TMBIM6: variants seen among roughly 807,000 people sequenced by gnomAD.
TMBIM6 encodes transmembrane BAX inhibitor motif containing 6.
TMBIM6 carries 13 observed loss-of-function variants against 31.4 expected under a neutral mutation model. The ratio of observed to expected loss-of-function variants is 0.41; its 90% CI spans 0.27 to 0.66. The LOEUF is 0.66. Ranked by LOEUF, TMBIM6 falls within the 30% of genes least tolerant of loss-of-function variation. The probability of loss-of-function intolerance (pLI) is 0.28; values close to 1 mark genes in which losing one functional copy is unlikely to be tolerated. For synonymous variants in TMBIM6, 85 were observed against 101.7 expected (o/e 0.84, Z 0.99); for missense variants, 275 against 289.5 (o/e 0.95, Z 0.36).
chr12:49,752,060 G>A (rs1257762264), intron 1 of TMBIM6, among the ~76,000 whole-genome samples: 1 of 152,100 alleles, frequency 6.6e-6, no homozygotes, highest in Non-Finnish European at 1.5e-5. Flanking sequence ...GAGCCACTAT[G>A]CCCAGCCAAG....
At chr12:49,748,847 A>G (rs1440267578) in intron 1 of TMBIM6, among the ~76,000 whole-genome samples, 1 of 152,152 alleles carries the variant, frequency 6.6e-6, no homozygotes, top group Non-Finnish European at 1.5e-5. Context: ...CTTGTAATGT[A>G]CTTTTTTTCT....
At chr12:49,755,102 C>T (rs1377183629) in intron 3 of TMBIM6, among the ~76,000 whole-genome samples, 2 of 152,060 alleles carry the variant, frequency 1.3e-5, no homozygotes, top group East Asian at 3.9e-4. Context: ...GGATTACAGG[C>T]GTGTGCCACC....
intron 1 of TMBIM6, among the ~76,000 whole-genome samples, chr12:49,744,725 C>T (rs1200205917): frequency 6.6e-6 from 1 of 152,188 alleles, no homozygotes; most frequent in East Asian, 1.9e-4. Flanking sequence ...AACTGGAATC[C>T]AAAACACGTG....
At chr12:49,760,095 G>C (rs1013542693) in intron 8 of TMBIM6, among the ~76,000 whole-genome samples, 6 of 143,020 alleles carry the variant, frequency 4.2e-5, no homozygotes, top group African/African-American at 1.6e-4. Context: ...CTGGACGACA[G>C]AGCGAGACTC....
chr12:49,757,301 A>T (rs943724813), intron 4 of TMBIM6, among the ~76,000 whole-genome samples: 1 of 152,236 alleles, frequency 6.6e-6, no homozygotes, highest in African/African-American at 2.4e-5. Context: ...AATGAGGTTC[A>T]AGAGCTTAGG....
At position 49,745,725 on chromosome 12, in the gene TMBIM6, A is replaced by AAAAAAAAAAAAAAAAC. The variant is rs372273110; in HGVS notation, c.-31+4124_-31+4125insAAAAACAAAAAAAAAA. Among the ~76,000 whole-genome samples, 125 of 105,474 alleles carry AAAAAAAAAAAAAAAAC rather than the reference A, an allele frequency of 1.2e-3. 3 individuals are homozygous for AAAAAAAAAAAAAAAAC. Among genetic ancestry groups the AAAAAAAAAAAAAAAAC allele is most frequent in the African/African-American group, 6.9e-3 (112 of 16,190 alleles). 69.2% of individuals were successfully genotyped at this position (105,474 alleles called of 152,430 possible). ...GGGCAACAGAGCGAGACTCTGTCTC[A>AAAAAAAAAAAAAAAAC]AAAAAAAAAACCCAGCACATTTAGA... is the stretch of plus-strand genomic sequence containing the variant. On this transcript the variant is annotated intron_variant, in intron 1 of 9. Transcript: ENST00000267115.
intron 8 of TMBIM6, among the ~76,000 whole-genome samples, chr12:49,760,533 CTTTTTTTTTTTTT>C (rs35862867): frequency 1.1e-5 from 1 of 93,526 alleles, no homozygotes; most frequent in Non-Finnish European, 2.1e-5. Context: ...TGCCCAGCCA[CTTTTTTTTTTTTT>C]TTTTTTTTTT....
intron 1 of TMBIM6, among the ~76,000 whole-genome samples, chr12:49,747,936 C>G (rs1250165583): frequency 6.6e-6 from 1 of 152,088 alleles, no homozygotes; most frequent in East Asian, 1.9e-4. Context: ...CGTAGTCTCG[C>G]ACTGTCACCC....
intron 3 of TMBIM6, among the ~76,000 whole-genome samples, chr12:49,755,418 G>T (rs1371855162): frequency 1.3e-5 from 2 of 152,184 alleles, no homozygotes; most frequent in Non-Finnish European, 2.9e-5. Flanking sequence ...AGCCAGAAGA[G>T]CCTCCAGCAT....
intron 2 of TMBIM6, 67 bp downstream of exon 2, chr12:49,752,616 C>A: frequency 7.5e-7 from 1 of 1,339,584 alleles, no homozygotes; most frequent in South Asian, 1.2e-5. Context: ...CCCTTTTCTG[C>A]ATTTATAACT....
At chr12:49,749,082 C>T (rs1016925653) in intron 1 of TMBIM6, among the ~76,000 whole-genome samples, 1 of 152,154 alleles carries the variant, frequency 6.6e-6, no homozygotes, top group Non-Finnish European at 1.5e-5. Flanking sequence ...GTTTGCATAT[C>T]GGCCATTGAA....
chr12:49,751,314 T>C (rs1408491448), intron 1 of TMBIM6, among the ~76,000 whole-genome samples: 1 of 152,182 alleles, frequency 6.6e-6, no homozygotes, highest in Admixed American at 6.6e-5. Flanking sequence ...TTTCAGGATA[T>C]ACACACTGAA....
rs557013071 is a variant in TMBIM6, at chr12:49,753,206, C to A, written c.165+125C>A. On this transcript the variant is annotated intron_variant, in intron 3 of 9. Coordinates refer to ENST00000267115, the MANE Select transcript of TMBIM6 (RefSeq NM_003217.3). Reference sequence around the variant, plus strand: ...CTTTATCAGTAGTTTAGGATTTAAACTCAGACATTAAATCAGGACATGTAA... The same window carrying A: ...CTTTATCAGTAGTTTAGGATTTAAAATCAGACATTAAATCAGGACATGTAA... The A allele has an allele frequency of 7.6e-4, 511 of 673,172 alleles. 6 individuals carry two copies. The South Asian group carries it at 0.01, about 13-fold the overall frequency. 41.7% of individuals were successfully genotyped at this position (673,172 alleles called of 1,614,324 possible). A position where few individuals can be genotyped will look rare whatever the true frequency, so the allele number is the denominator to read the frequency against.
At chr12:49,748,264 T>C (rs1371650454) in intron 1 of TMBIM6, among the ~76,000 whole-genome samples, 1 of 152,104 alleles carries the variant, frequency 6.6e-6, no homozygotes, top group African/African-American at 2.4e-5. Context: ...GATAATAGTC[T>C]TTCATTTTAG....
In TMBIM6 at chr12:49,763,099, G is replaced by T. The variant is rs1945750620; in HGVS notation, c.*203G>T. On this transcript the variant is annotated 3_prime_UTR_variant, in exon 10 of 10. Transcript: ENST00000267115. ...TTGGAGTTTGGCTTCATCTTCCTGG[G>T]GTTCCCCTCACTCCCTTTTTTGTCA... 2.0e-6 allele frequency: 1 copy of T among 497,950 alleles called. No homozygotes were observed. 30.8% of individuals were successfully genotyped at this position (497,950 alleles called of 1,614,324 possible). A position where few individuals can be genotyped will look rare whatever the true frequency, so the allele number is the denominator to read the frequency against.
chr12:49,759,329 T>C lies in TMBIM6; in HGVS notation c.614+8T>C. Reference sequence around the variant, plus strand: ...AGATCAAGATTATATCTGGTGAGTGTGGGAACTAGTCTTTAACAAGCATGA... The same window carrying C: ...AGATCAAGATTATATCTGGTGAGTGCGGGAACTAGTCTTTAACAAGCATGA... On this transcript the variant is annotated splice_region_variant and intron_variant, in intron 8 of 9. Coordinates refer to ENST00000267115, the MANE Select transcript of TMBIM6 (RefSeq NM_003217.3). 1 of 1,606,268 alleles carries C rather than the reference T, an allele frequency of 6.2e-7. No homozygotes were observed. Among genetic ancestry groups the C allele is most frequent in the Non-Finnish European group, 8.5e-7 (1 of 1,172,926 alleles).
intron 6 of TMBIM6, 59 bp from the exon 7 acceptor site, chr12:49,758,624 T>C: frequency 6.3e-7 from 1 of 1,588,952 alleles, no homozygotes; most frequent in Non-Finnish European, 8.6e-7. Context: ...ATGGCTTTAA[T>C]GGGATTGCTT....
At chr12:49,760,262 T>G (rs185324838) in intron 8 of TMBIM6, among the ~76,000 whole-genome samples, 17 of 152,236 alleles carry the variant, frequency 1.1e-4, no homozygotes, top group Non-Finnish European at 2.2e-4. Context: ...GATACACTCT[T>G]TTTTTAGAGA....
chr12:49,762,872 G>A lies in TMBIM6; in HGVS notation c.691-1G>A. 6.2e-7 allele frequency: 1 copy of A among 1,612,608 alleles called. No individual in the cohort carries two copies. Among genetic ancestry groups the A allele is most frequent in the Non-Finnish European group, 8.5e-7 (1 of 1,178,898 alleles). On this transcript the variant is annotated splice_acceptor_variant, in intron 9 of 9. Transcript: ENST00000267115. LOFTEE classifies it high-confidence loss of function. The stretch of plus-strand genomic sequence containing the variant: ...ATTGGGTGATTTTTCTCCATTTCTA[G>A]GATAAGAAGAAAGAGAAGAAATGAA...
Sources: allele counts gnomAD v4.1 joint callset (sites outside exome capture counted in the v4.1 genomes callset), GRCh38; gene constraint gnomAD v4.1.1; transcripts MANE v1.5; gene names NCBI Gene and HGNC (gene_info 2026-07-23, HGNC 2026-07-21).